OR3A1: variants seen among roughly 807,000 people sequenced by gnomAD.
The protein encoded by OR3A1 is olfactory receptor 3A1.
For synonymous variants in OR3A1, 145 were observed against 160.0 expected, an observed-to-expected ratio of 0.91 and a Z score of 0.71; for missense variants, 402 against 393.8, an observed-to-expected ratio of 1.02 and a Z score of -0.18.
chr17:3,293,591 A>T (rs1170540350), intron 1 of OR3A1, among the ~76,000 whole-genome samples: 1 of 152,212 alleles, frequency 6.6e-6, no homozygotes, highest in Non-Finnish European at 1.5e-5. Context: ...GGATTCTACA[A>T]GAAAAAAGAG....
rs770993472 is a variant in OR3A1 at position 3,292,460 on chromosome 17, C to A, written c.123G>T (p.Thr41=). Residue 41 remains threonine (T), a synonymous_variant, in exon 2 of 2, where the codon ACG becomes ACT. Transcript: ENST00000323404. ...CCAGGATGCTGAGGTTGCCCCTGAC[C>A]GTGACCAGGTAGGCAAAGAGGAAGA... The part of the protein sequence containing the change: ...FVLFLFAYLV[T]VRGNLSILAA... 1 of 1,613,504 alleles carries A rather than the reference C, an allele frequency of 6.2e-7. No homozygotes were observed. Among genetic ancestry groups the A allele is most frequent in the African/African-American group, 1.3e-5 (1 of 74,804 alleles).
intron 1 of OR3A1, among the ~76,000 whole-genome samples, chr17:3,294,858 A>C (rs1303216418): frequency 1.3e-5 from 2 of 152,188 alleles, no homozygotes; most frequent in Non-Finnish European, 2.9e-5. Context: ...TTCAAATATA[A>C]TATTCATATA....
intron 1 of OR3A1, among the ~76,000 whole-genome samples, chr17:3,293,484 C>T (rs2048894148): frequency 6.6e-6 from 1 of 152,080 alleles, no homozygotes; most frequent in African/African-American, 2.4e-5. Context: ...TGAAACATGT[C>T]TTAGACTTGC....
chr17:3,292,350 C>T lies in OR3A1; in HGVS notation c.233G>A (p.Ser78Asn), dbSNP rs769142492. The T allele has an allele frequency of 1.9e-6, 3 of 1,614,144 alleles. No individual in the cohort carries two copies. The highest frequency in any genetic ancestry group is 1.7e-5 in the Admixed American group (1 of 60,020). The change falls in exon 2 of 2, where the codon AGC becomes AAC. Residue 78 changes from serine to asparagine, a missense_variant. By Grantham distance (46) the Ser-to-Asn change is conservative. Coordinates refer to ENST00000323404, the MANE Select transcript of OR3A1 (RefSeq NM_002550.3). ...ACTCAACATTGATGGAACAGTGACG[C>T]TGATGCACCCAACATCCAGCACTGA... ...NLSVLDVGCI[S>N]VTVPSMLSRL... is the part of the protein sequence containing the mutation.
At position 3,292,355 on chromosome 17, in the gene OR3A1, G is replaced by C; in HGVS notation, c.228C>G (p.Cys76Trp). 1 of 1,614,136 alleles carries C rather than the reference G, an allele frequency of 6.2e-7. No homozygotes were observed. The highest frequency in any genetic ancestry group is 8.5e-7 in the Non-Finnish European group (1 of 1,180,022). ...ACATTGATGGAACAGTGACGCTGAT[G>C]CACCCAACATCCAGCACTGATAGGT... is the stretch of plus-strand genomic sequence containing the variant. The part of the protein sequence containing the change: ...LGNLSVLDVG[C>W]ISVTVPSMLS... Residue 76 changes from cysteine (C) to tryptophan (W), a missense_variant, in exon 2 of 2, where the codon TGC (cysteine) becomes TGG (tryptophan). Transcript: ENST00000323404.
chr17:3,291,140 T>C lies in OR3A1; in HGVS notation c.*495A>G, dbSNP rs1199056430. 1 of 152,782 alleles carries C rather than the reference T, an allele frequency of 6.5e-6. No individual in the cohort carries two copies. The highest frequency in any genetic ancestry group is 1.5e-5 in the Non-Finnish European group (1 of 68,614). The allele number at this position is 152,782 out of a possible 1,614,324, so 9.5% of individuals were successfully genotyped here. On this transcript the variant is annotated 3_prime_UTR_variant, in exon 2 of 2. Transcript: ENST00000323404. ...ATGGGAATAGAAAGAGCTACTTTTT[T>C]GTTTTTGTTTCTTTTTGTTTTATTT...
rs757408900 is a variant in OR3A1 at position 3,291,823 on chromosome 17, A to G, written c.760T>C (p.Phe254Leu). ...CGSHLTVVAI[F>L]YGSGIFNYMR... ...TAGTTAAAGATACCTGAACCATAGAATATGGCAACCACAGTGAGGTGGGAG... is the reference window on the plus strand; with the variant it reads ...TAGTTAAAGATACCTGAACCATAGAGTATGGCAACCACAGTGAGGTGGGAG... The change falls in exon 2 of 2, where the codon TTC (phenylalanine) becomes CTC (leucine). Residue 254 changes from phenylalanine to leucine, a missense_variant. Coordinates refer to ENST00000323404, the MANE Select transcript of OR3A1 (RefSeq NM_002550.3). 3 of 1,613,832 alleles carry G rather than the reference A, an allele frequency of 1.9e-6. No homozygotes were observed. Among genetic ancestry groups the G allele is most frequent in the South Asian group, 2.2e-5 (2 of 91,088 alleles).
chr17:3,293,153 T>TA (rs35282171), intron 1 of OR3A1, among the ~76,000 whole-genome samples: 37,892 of 140,872 alleles, frequency 0.27, 5,275 homozygotes, highest in East Asian at 0.61. Context: ...ATAATTCTCT[T>TA]AAAAAAAAAA....
At chr17:3,293,943 C>CT (rs2048898413) in intron 1 of OR3A1, among the ~76,000 whole-genome samples, 1 of 152,088 alleles carries the variant, frequency 6.6e-6, no homozygotes. Context: ...ACAACACACA[C>CT]TGGGGCCTGT....
chr17:3,294,954 T>C (rs2048907455), intron 1 of OR3A1, among the ~76,000 whole-genome samples: 1 of 152,144 alleles, frequency 6.6e-6, no homozygotes, highest in African/African-American at 2.4e-5. Context: ...AGTTTTGTTT[T>C]GTTTGTTTTT....
rs2048869296 is a variant in OR3A1 at position 3,291,715 on chromosome 17, G to A, written c.868C>T (p.Pro290Ser). 2 of 1,612,790 alleles carry A rather than the reference G, an allele frequency of 1.2e-6. No homozygotes were observed. Among genetic ancestry groups the A allele is most frequent in the Non-Finnish European group, 8.5e-7 (1 of 1,178,958 alleles). Residue 290 changes from proline to serine, a missense_variant, in exon 2 of 2, where the codon CCA becomes TCA. By Grantham distance (74) the Pro-to-Ser change is moderately conservative. Transcript: ENST00000323404. ...FNTVINPMLN[P>S]IIYSFRNPDV... ...GGGTTTCTGAAGCTGTAGATGATTGGGTTCAGCATGGGATTGATGACAGTG... is the reference window on the plus strand; with the variant it reads ...GGGTTTCTGAAGCTGTAGATGATTGAGTTCAGCATGGGATTGATGACAGTG...
intron 1 of OR3A1, among the ~76,000 whole-genome samples, chr17:3,296,688 T>C (rs2048920644): frequency 6.6e-6 from 1 of 152,098 alleles, no homozygotes; most frequent in African/African-American, 2.4e-5. Context: ...TTGGACATAA[T>C]TGGTAAAATA....
rs1463593966 is a variant in OR3A1, at chr17:3,291,719, C to T, written c.864G>A (p.Leu288=). ...GIFNTVINPM[L]NPIIYSFRNP... ...TTCTGAAGCTGTAGATGATTGGGTT[C>T]AGCATGGGATTGATGACAGTGTTGA... Residue 288 remains leucine (L), a synonymous_variant, in exon 2 of 2, where the codon CTG becomes CTA. Transcript: ENST00000323404. 18 of 1,613,324 alleles carry T rather than the reference C, an allele frequency of 1.1e-5. No individual in the cohort carries two copies. Among genetic ancestry groups the T allele is most frequent in the East Asian group, 6.7e-5 (3 of 44,850 alleles).
intron 1 of OR3A1, among the ~76,000 whole-genome samples, chr17:3,297,770 C>T (rs1382088859): frequency 1.3e-5 from 2 of 152,004 alleles, no homozygotes; most frequent in African/African-American, 2.4e-5. Flanking sequence ...AAAGTATGAC[C>T]GTAAGAGCAA....
Position 3,291,892 on chromosome 17 carries a change from T to C in OR3A1, c.691A>G (p.Ile231Val), listed in dbSNP as rs2048872650. The change falls in exon 2 of 2, where the codon ATT becomes GTT. Residue 231 changes from isoleucine to valine, a missense_variant. By Grantham distance (29) the Ile-to-Val change is conservative. Transcript: ENST00000323404. The stretch of plus-strand genomic sequence containing the variant: ...TTCTTCCTGCCCTCTACAGAGCGAA[T>C]TCGCAGGACTGCAGCTGCCACGTGG... The part of the protein sequence containing the change: ...YIHVAAAVLR[I>V]RSVEGRKKAF... The C allele has an allele frequency of 6.2e-7, 1 of 1,614,088 alleles. No homozygotes were observed. The highest frequency in any genetic ancestry group is 1.3e-5 in the African/African-American group (1 of 74,918).
chr17:3,297,864 G>C (rs1258368293), intron 1 of OR3A1, among the ~76,000 whole-genome samples: 5 of 152,100 alleles, frequency 3.3e-5, no homozygotes, highest in Non-Finnish European at 1.5e-5. Context: ...TGTGCAACAC[G>C]ATAAAAGATT....
At position 3,291,587 on chromosome 17, in the gene OR3A1, T is replaced by G. The variant is rs748345315; in HGVS notation, c.*48A>C. The G allele has an allele frequency of 3.5e-5, 51 of 1,463,296 alleles. No individual in the cohort carries two copies. The Admixed American group carries it at 1.1e-3, about 31-fold the overall frequency. The allele number at this position is 1,463,296 out of a possible 1,614,324, so 90.6% of individuals were successfully genotyped here. ...TTCCTAGTTTCTGGCTCTAGAAGAC[T>G]TTTCCTTTAGTACAAGACACAGGGA... On this transcript the variant is annotated 3_prime_UTR_variant, in exon 2 of 2. Transcript: ENST00000323404.
At position 3,291,765 on chromosome 17, in the gene OR3A1, T is replaced by C. The variant is rs1268881843; in HGVS notation, c.818A>G (p.Lys273Arg). 1 of 1,613,752 alleles carries C rather than the reference T, an allele frequency of 6.2e-7. No individual in the cohort carries two copies. Among genetic ancestry groups the C allele is most frequent in the South Asian group, 1.1e-5 (1 of 91,086 alleles). ...MRLGSTKLSD[K>R]DKAVGIFNTV... The stretch of plus-strand genomic sequence containing the variant: ...GTTGAAAATTCCAACAGCTTTATCC[T>C]TGTCTGAAAGCTTGGTTGAACCCAG... Residue 273 changes from lysine (K) to arginine (R), a missense_variant, in exon 2 of 2, where the codon AAG becomes AGG. Physicochemically the swap from Lys to Arg is conservative, Grantham distance 26. Coordinates refer to ENST00000323404, the MANE Select transcript of OR3A1 (RefSeq NM_002550.3).
chr17:3,292,686 T>A, intron 1 of OR3A1, 98 bp from the exon 2 acceptor site: 1 of 981,830 alleles, frequency 1.0e-6, no homozygotes. Flanking sequence ...CCCGGCCCTC[T>A]GCCACGTTCC....
Sources: allele counts gnomAD v4.1 joint callset (sites outside exome capture counted in the v4.1 genomes callset), GRCh38; gene constraint gnomAD v4.1.1; transcripts MANE v1.5; gene names NCBI Gene and HGNC (gene_info 2026-07-23, HGNC 2026-07-21).